ERC2: variants seen among roughly 807,000 people sequenced by gnomAD.
The protein encoded by ERC2 is ERC protein 2.
Under a neutral mutation model 114.8 loss-of-function variants are expected in ERC2, and 42 were observed. The ratio of observed to expected loss-of-function variants is 0.37; its 90% confidence interval spans 0.29 to 0.47. ERC2 has a LOEUF of 0.47. Ranked by LOEUF, ERC2 falls within the 20% of genes least tolerant of loss-of-function variation. The pLI is 0.99. For missense variants in ERC2, 939 were observed against 1,150.7 expected, an observed-to-expected ratio of 0.82 and a Z score of 2.66; for synonymous variants, 454 against 425.5, an observed-to-expected ratio of 1.07 and a Z score of -0.82.
intron 2 of ERC2, among the ~76,000 whole-genome samples, chr3:56,411,279 C>A (rs771371526): frequency 4.6e-5 from 7 of 151,506 alleles, no homozygotes; most frequent in Non-Finnish European, 4.4e-5. Flanking sequence ...GAAATATTAA[C>A]GCCTCCTCCA....
intron 4 of ERC2, among the ~76,000 whole-genome samples, chr3:56,169,095 C>T (rs968628423): frequency 6.6e-6 from 1 of 152,218 alleles, no homozygotes; most frequent in African/African-American, 2.4e-5. Context: ...CTGCTTTTAA[C>T]TTCACATTAT....
chr3:55,547,866 T>C (rs1302893662), intron 17 of ERC2, among the ~76,000 whole-genome samples: 1 of 152,200 alleles, frequency 6.6e-6, no homozygotes, highest in East Asian at 1.9e-4. Flanking sequence ...AGACGTAAGG[T>C]CACACAGCAG....
At chr3:56,115,367 G>A (rs968301191) in intron 6 of ERC2, among the ~76,000 whole-genome samples, 1 of 152,030 alleles carries the variant, frequency 6.6e-6, no homozygotes, top group African/African-American at 2.4e-5. Flanking sequence ...TCCCCTCCTC[G>A]AAGGTGAGAC....
At chr3:56,386,154 A>G (rs1025968170) in intron 2 of ERC2, among the ~76,000 whole-genome samples, 1 of 152,176 alleles carries the variant, frequency 6.6e-6, no homozygotes, top group Non-Finnish European at 1.5e-5. Flanking sequence ...GGATTAGGAA[A>G]ACACTTAAGC....
intron 3 of ERC2, among the ~76,000 whole-genome samples, chr3:56,234,739 G>A (rs547595681): frequency 1.3e-5 from 2 of 152,212 alleles, no homozygotes; most frequent in South Asian, 2.1e-4. Flanking sequence ...GAAGGGCCGA[G>A]AGGATGAGAC....
At chr3:55,990,970 C>T (rs971228507) in intron 11 of ERC2, among the ~76,000 whole-genome samples, 2 of 152,078 alleles carry the variant, frequency 1.3e-5, no homozygotes, top group African/African-American at 4.8e-5. Context: ...TGGCGTGCAC[C>T]TGTAGTCCCA....
chr3:55,910,644 T>C (rs976639690), intron 13 of ERC2, among the ~76,000 whole-genome samples: 1 of 152,172 alleles, frequency 6.6e-6, no homozygotes. Flanking sequence ...CAGGCATGGA[T>C]CTAAATCTTG....
intron 6 of ERC2, among the ~76,000 whole-genome samples, chr3:56,089,889 A>C (rs2077694019): frequency 6.6e-6 from 1 of 152,164 alleles, no homozygotes; most frequent in Non-Finnish European, 1.5e-5. Context: ...CTTCCAGAAA[A>C]ACAGAGAGCT....
chr3:56,431,379 TA>T (rs977145052), intron 2 of ERC2, among the ~76,000 whole-genome samples: 4 of 152,284 alleles, frequency 2.6e-5, no homozygotes, highest in East Asian at 1.9e-4. Context: ...TTCAAGGAAT[TA>T]AAGAACCAAT....
chr3:55,551,302 C>T (rs890818618), intron 17 of ERC2, among the ~76,000 whole-genome samples: 5 of 151,860 alleles, frequency 3.3e-5, no homozygotes, highest in African/African-American at 1.2e-4. Context: ...GCGGGTGGAT[C>T]ACCTGAGGTC....
intron 6 of ERC2, among the ~76,000 whole-genome samples, chr3:56,131,787 A>C (rs1236222933): frequency 6.6e-6 from 1 of 152,200 alleles, no homozygotes; most frequent in East Asian, 1.9e-4. Context: ...CTGTAAGGTG[A>C]CCACAGTTAA....
chr3:55,791,142 T>C (rs1374638373), intron 14 of ERC2, among the ~76,000 whole-genome samples: 1 of 152,226 alleles, frequency 6.6e-6, no homozygotes, highest in Non-Finnish European at 1.5e-5. Context: ...AAAGAGATTT[T>C]GTTCTAGATA....
intron 3 of ERC2, among the ~76,000 whole-genome samples, chr3:56,210,427 T>A (rs542810417): frequency 6.6e-6 from 1 of 152,362 alleles, no homozygotes; most frequent in South Asian, 2.1e-4. Flanking sequence ...TGGCATATTC[T>A]TGAGGGAATC....
chr3:55,733,060 A>C (rs758011450), intron 15 of ERC2, among the ~76,000 whole-genome samples: 2 of 152,186 alleles, frequency 1.3e-5, no homozygotes, highest in African/African-American at 4.8e-5. Flanking sequence ...GACTGTGGCC[A>C]GCACCACAAG....
intron 12 of ERC2, among the ~76,000 whole-genome samples, chr3:55,976,239 G>C (rs1277602217): frequency 6.6e-6 from 1 of 152,166 alleles, no homozygotes; most frequent in Non-Finnish European, 1.5e-5. Context: ...AGAGGAAAAA[G>C]AAGAAAATTA....
intron 17 of ERC2, among the ~76,000 whole-genome samples, chr3:55,517,285 A>G (rs2052583521): frequency 6.6e-6 from 1 of 152,020 alleles, no homozygotes; most frequent in African/African-American, 2.4e-5. Flanking sequence ...CACTAAAAAT[A>G]CAAAAATTAG....
At chr3:56,169,807 T>C (rs1486880674) in intron 4 of ERC2, among the ~76,000 whole-genome samples, 1 of 127,376 alleles carries the variant, frequency 7.9e-6, no homozygotes, top group Non-Finnish European at 1.8e-5. Flanking sequence ...ATTCATTTTC[T>C]TAAAAAAAAA....
rs570472556 is a variant in ERC2, at chr3:55,899,468, A to C, written c.2404-10919T>G. Among the ~76,000 whole-genome samples the C allele has an allele frequency of 5.3e-5, 8 of 152,312 alleles. 1 individual carries two copies. The South Asian group carries it at 1.7e-3, about 32-fold the overall frequency. On this transcript the variant is annotated intron_variant, in intron 13 of 17. Transcript: ENST00000288221. ...ATATATGTATACAATCTTCAAAAAAATTAGTTACAAAAATTATGGAATACG... is the reference window on the plus strand; with the variant it reads ...ATATATGTATACAATCTTCAAAAAACTTAGTTACAAAAATTATGGAATACG...
At chr3:56,121,934 T>C (rs972030176) in intron 6 of ERC2, among the ~76,000 whole-genome samples, 8 of 152,304 alleles carry the variant, frequency 5.3e-5, no homozygotes, top group South Asian at 4.1e-4. Flanking sequence ...ACCAACTCTA[T>C]GGATCCCACC....
Sources: allele counts gnomAD v4.1 joint callset (sites outside exome capture counted in the v4.1 genomes callset), GRCh38; gene constraint gnomAD v4.1.1; transcripts MANE v1.5; gene names NCBI Gene and HGNC (gene_info 2026-07-23, HGNC 2026-07-21).